Variants in DNMT3B observed in about 807,000 individuals in gnomAD.
DNMT3B encodes DNA (cytosine-5)-methyltransferase 3B.
A neutral mutation model predicts 120.2 loss-of-function variants in DNMT3B; 37 were observed. The observed-to-expected ratio is 0.31, with a 90% CI of 0.24 to 0.40. The LOEUF is 0.40. Ranked by LOEUF, DNMT3B falls within the 10% of genes least tolerant of loss-of-function variation. The pLI is 1.00. For synonymous variants in DNMT3B, 412 were observed against 442.8 expected (o/e 0.93, Z 0.87); for missense variants, 878 against 1,137.3 (o/e 0.77, Z 3.28).
At chr20:32,792,478 T>A (rs1273160586) in intron 8 of DNMT3B, 148 bp from the exon 9 acceptor site, 1 of 1,364,846 alleles carries the variant, frequency 7.3e-7, no homozygotes. Flanking sequence ...CCTTCCTCTG[T>A]CACATACCAC....
chr20:32,779,917 G>C (rs1332845881), intron 1 of DNMT3B: 2 of 660,110 alleles, frequency 3.0e-6, no homozygotes, highest in East Asian at 5.4e-5. Flanking sequence ...AGCCCCTGCA[G>C]AGGCTGAGCA....
At chr20:32,768,508 A>G (rs1416183381) in intron 1 of DNMT3B, among the ~76,000 whole-genome samples, 1 of 152,000 alleles carries the variant, frequency 6.6e-6, no homozygotes, top group East Asian at 1.9e-4. Context: ...AAAATTTTTT[A>G]TAGAGATAGG....
chr20:32,800,069 A>G (rs1981137376), intron 16 of DNMT3B, 84 bp from the exon 17 acceptor site: 1 of 1,588,108 alleles, frequency 6.3e-7, no homozygotes. Flanking sequence ...GGAACTGTTC[A>G]TTTTACCATA....
intron 20 of DNMT3B, among the ~76,000 whole-genome samples, chr20:32,803,151 G>A (rs551953241): frequency 6.6e-6 from 1 of 152,278 alleles, no homozygotes; most frequent in South Asian, 2.1e-4. Context: ...TTTTGTTATC[G>A]TATACTAAAA....
At chr20:32,773,934 GTTTTTTT>G (rs1161730284) in intron 1 of DNMT3B, among the ~76,000 whole-genome samples, 2 of 69,130 alleles carry the variant, frequency 2.9e-5, no homozygotes, top group East Asian at 5.2e-4. Context: ...CCCGGCAGTG[GTTTTTTT>G]TTTTTTTTTT....
chr20:32,800,731 A>G, intron 17 of DNMT3B, 104 bp from the exon 18 acceptor site: 1 of 1,286,628 alleles, frequency 7.8e-7, no homozygotes, highest in Non-Finnish European at 1.1e-6. Flanking sequence ...CTGGGATTAC[A>G]GGTGTGAGCC....
chr20:32,791,596 T>C lies in DNMT3B; in HGVS notation c.814-5T>C. ...GTGGATGTTGATGATGTCTTTCTCT[T>C]TTAGGTCTCTGCAGACAAACTGGTG... On this transcript the variant is annotated splice_polypyrimidine_tract_variant and splice_region_variant and intron_variant, in intron 7 of 22. Transcript: ENST00000328111. 6.2e-7 allele frequency: 1 copy of C among 1,614,102 alleles called. No individual in the cohort carries two copies. Among genetic ancestry groups the C allele is most frequent in the Non-Finnish European group, 8.5e-7 (1 of 1,179,964 alleles).
At chr20:32,792,481 C>T (rs1568846139) in intron 8 of DNMT3B, 145 bp from the exon 9 acceptor site, 2 of 1,390,380 alleles carry the variant, frequency 1.4e-6, no homozygotes, top group Non-Finnish European at 2.0e-6. Flanking sequence ...TCCTCTGTCA[C>T]ATACCACAGC....
intron 9 of DNMT3B, 28 bp downstream of exon 9, chr20:32,792,798 C>T (rs989315963): frequency 5.0e-6 from 8 of 1,613,344 alleles, no homozygotes; most frequent in South Asian, 2.2e-5. Context: ...TGGCAGCACC[C>T]GCTGCCTCTG....
At chr20:32,763,046 C>A (rs1030523220) in intron 1 of DNMT3B, among the ~76,000 whole-genome samples, 1 of 152,080 alleles carries the variant, frequency 6.6e-6, no homozygotes, top group Non-Finnish European at 1.5e-5. Flanking sequence ...GGGGTCCAGA[C>A]TCGAGGAGGA....
intron 1 of DNMT3B, among the ~76,000 whole-genome samples, chr20:32,771,251 A>G (rs1486944426): frequency 6.6e-6 from 1 of 152,238 alleles, no homozygotes; most frequent in African/African-American, 2.4e-5. Flanking sequence ...TCTAGAGAGC[A>G]GAAGAGAACA....
intron 3 of DNMT3B, among the ~76,000 whole-genome samples, chr20:32,782,794 C>T (rs1978784471): frequency 6.6e-6 from 1 of 152,198 alleles, no homozygotes; most frequent in African/African-American, 2.4e-5. Context: ...GGGGGTCTTG[C>T]ATGTATCCCC....
At chr20:32,787,094 T>A in intron 5 of DNMT3B, 136 bp from the exon 6 acceptor site, 1 of 1,050,648 alleles carries the variant, frequency 9.5e-7, no homozygotes, top group Non-Finnish European at 1.5e-6. Context: ...TGGAAAAGTT[T>A]CTTCAGCGGT....
At chr20:32,763,633 A>C (rs1443695219) in intron 1 of DNMT3B, among the ~76,000 whole-genome samples, 1 of 152,182 alleles carries the variant, frequency 6.6e-6, no homozygotes, top group Non-Finnish European at 1.5e-5. Context: ...TCGGGGAGAA[A>C]GTGGAAGCGG....
At chr20:32,799,080 G>A (rs1981004720) in intron 15 of DNMT3B, among the ~76,000 whole-genome samples, 164 bp from the exon 16 acceptor site, 1 of 152,180 alleles carries the variant, frequency 6.6e-6, no homozygotes. Context: ...AGGCTCGTGT[G>A]GTACACACTT....
intron 1 of DNMT3B, among the ~76,000 whole-genome samples, chr20:32,774,146 C>T (rs1235311682): frequency 2.0e-5 from 3 of 151,918 alleles, no homozygotes; most frequent in African/African-American, 7.3e-5. Flanking sequence ...CCTTCCCGCT[C>T]TCTACTTCAC....
In DNMT3B at chr20:32,801,263, C is replaced by G; in HGVS notation, c.1997-15C>G. 1.2e-6 allele frequency: 2 copies of G among 1,614,168 alleles called. No homozygotes were observed. Among genetic ancestry groups the G allele is most frequent in the Non-Finnish European group, 1.7e-6 (2 of 1,180,040 alleles). On this transcript the variant is annotated splice_polypyrimidine_tract_variant and intron_variant, in intron 18 of 22. Transcript: ENST00000328111. ...TTTCAAATGAACCCTGCGCTGTCAT[C>G]TTTTCTGAGCACAGAGGGTACAGGC... is the stretch of plus-strand genomic sequence containing the variant.
chr20:32,805,239 C>G (rs1981832371), intron 20 of DNMT3B, 99 bp from the exon 21 acceptor site: 1 of 1,417,098 alleles, frequency 7.1e-7, no homozygotes. Flanking sequence ...AGTTCACTGC[C>G]AGGGCACATC....
At chr20:32,782,904 A>G (rs1382359312) in intron 3 of DNMT3B, among the ~76,000 whole-genome samples, 2 of 152,084 alleles carry the variant, frequency 1.3e-5, no homozygotes, top group Admixed American at 1.3e-4. Flanking sequence ...TTATTCATGT[A>G]TTCATGAATG....
Sources: gnomAD v4.1 joint callset for allele counts (sites outside exome capture counted in the v4.1 genomes callset) on GRCh38, gnomAD v4.1.1 for gene constraint, MANE v1.5 for transcripts, NCBI Gene and HGNC (gene_info 2026-07-23, HGNC 2026-07-21) for gene names.